The following PDE1C variants were observed in gnomAD, a reference collection of about 807,000 sequenced individuals.
PDE1C encodes dual specificity calcium/calmodulin-dependent 3',5'-cyclic nucleotide phosphodiesterase 1C.
Under a neutral mutation model 93.1 loss-of-function variants are expected in PDE1C, and 62 were observed. That is an observed-to-expected ratio of 0.67 (90% CI 0.54 to 0.82). PDE1C has a LOEUF of 0.82. PDE1C is among the 40% of genes least tolerant of loss of function. The pLI, the probability that PDE1C is intolerant of heterozygous loss-of-function variation, is 0.00. For missense variants in PDE1C, 742 were observed against 884.6 expected (o/e 0.84, Z 2.04); for synonymous variants, 325 against 310.1 (o/e 1.05, Z -0.50).
the PDE1C span, among the ~76,000 whole-genome samples, chr7:31,702,962 GA>G: frequency 6.6e-6 from 1 of 152,148 alleles, no homozygotes; most frequent in African/African-American, 2.4e-5. Flanking sequence ...ATACGAAATT[GA>G]ACATGGTCTT....
chr7:31,702,500 T>C, the PDE1C span, among the ~76,000 whole-genome samples: 1 of 152,178 alleles, frequency 6.6e-6, no homozygotes, highest in Admixed American at 6.5e-5. Flanking sequence ...TACCTTTCAG[T>C]AGTCAGCCAG....
chr7:31,699,189 G>A, the PDE1C span, among the ~76,000 whole-genome samples: 42 of 151,154 alleles, frequency 2.8e-4, no homozygotes, highest in African/African-American at 1.0e-3. Flanking sequence ...TCTGAGGACT[G>A]CCTTTATTAC....
the PDE1C span, among the ~76,000 whole-genome samples, chr7:31,678,922 A>G: frequency 6.6e-6 from 1 of 152,206 alleles, no homozygotes; most frequent in Non-Finnish European, 1.5e-5. Flanking sequence ...GATATGCAAA[A>G]TTGACCTCAA....
chr7:32,298,731 G>A, exon 1 of PDE1C: 1 of 1,592,892 alleles, frequency 6.3e-7, no homozygotes, highest in Non-Finnish European at 8.5e-7. Context: ...GCCGGCGTCC[G>A]TCATGGCTCG....
the PDE1C span, among the ~76,000 whole-genome samples, chr7:31,722,493 A>G: frequency 4.6e-5 from 7 of 152,232 alleles, no homozygotes; most frequent in African/African-American, 1.2e-4. Flanking sequence ...GCAGGAAAGC[A>G]TTCAATTATG....
chr7:32,268,000 A>T (rs1397386238), intron 1 of PDE1C, among the ~76,000 whole-genome samples: 1 of 152,204 alleles, frequency 6.6e-6, no homozygotes. Flanking sequence ...GTGAAGGAAA[A>T]GTCAGGCTGG....
intron 3 of PDE1C, among the ~76,000 whole-genome samples, chr7:32,132,216 C>G (rs960423472): frequency 6.6e-6 from 1 of 152,022 alleles, no homozygotes; most frequent in East Asian, 1.9e-4. Context: ...AGAGCTGGAG[C>G]CCAGTGAGCA....
chr7:31,778,640 T>C (rs1486993818), intron 16 of PDE1C, among the ~76,000 whole-genome samples: 1 of 152,198 alleles, frequency 6.6e-6, no homozygotes, highest in Non-Finnish European at 1.5e-5. Context: ...CTTCAAGTTT[T>C]TATTTAGAGA....
At chr7:31,617,674 CTTGTCATTTTCTGAT>C in the PDE1C span, among the ~76,000 whole-genome samples, 1 of 151,926 alleles carries the variant, frequency 6.6e-6, no homozygotes, top group Non-Finnish European at 1.5e-5. Flanking sequence ...CCACGATACT[CTTGTCATTTTCTGAT>C]TTATATTAGT....
Position 32,401,637 on chromosome 7 carries a change from G to A in PDE1C, c.310+26185C>T, listed in dbSNP as rs116005239. 4.8e-3 allele frequency among the ~76,000 whole-genome samples: 735 copies of A among 152,240 alleles called. 7 individuals carry two copies. The highest frequency in any genetic ancestry group is 0.015 in the African/African-American group (643 of 41,544). On this transcript the variant is annotated intron_variant, in intron 1 of 1. Transcript: ENST00000672256. ...CCTGATGCTTTTGTGTGGTCCCACC[G>A]CAGCTTGCCCTGGGCTTCCCTGATG...
the PDE1C span, among the ~76,000 whole-genome samples, chr7:31,684,167 G>A: frequency 1.3e-5 from 2 of 152,148 alleles, no homozygotes; most frequent in Admixed American, 6.5e-5. Flanking sequence ...GAGTATGTAC[G>A]AAGCCCTGGG....
rs141417367 is a variant in PDE1C, at chr7:31,805,798, G to A, written c.1891+3233C>T. On this transcript the variant is annotated intron_variant, in intron 16 of 17. Coordinates refer to ENST00000396191, the MANE Select transcript of PDE1C (RefSeq NM_001191057.4). The stretch of plus-strand genomic sequence containing the variant: ...TCTTAACTCAGAGAGTCACTGAGAC[G>A]TGCCTATGTCACTCCTCTCTATGCT... Among the ~76,000 whole-genome samples, 152 of 151,932 alleles carry A rather than the reference G, an allele frequency of 1.0e-3. 1 individual carries two copies. The highest frequency in any genetic ancestry group is 3.4e-3 in the Middle Eastern group (1 of 294).
chr7:32,124,605 G>T (rs532294495), intron 3 of PDE1C, among the ~76,000 whole-genome samples: 1 of 152,266 alleles, frequency 6.6e-6, no homozygotes, highest in South Asian at 2.1e-4. Context: ...AATGAGGAAA[G>T]GATCTCCTAT....
At chr7:31,868,445 G>C (rs1795550963) in intron 6 of PDE1C, among the ~76,000 whole-genome samples, 1 of 151,966 alleles carries the variant, frequency 6.6e-6, no homozygotes, top group Non-Finnish European at 1.5e-5. Flanking sequence ...ACTAGACCAA[G>C]CAAGAAGAAA....
chr7:31,838,019 A>G, intron 9 of PDE1C, 48 bp from the exon 10 acceptor site: 1 of 1,272,040 alleles, frequency 7.9e-7, no homozygotes, highest in South Asian at 1.2e-5. Flanking sequence ...CAAAAATGGA[A>G]AGTAAAAATC....
chr7:31,648,901 C>T, the PDE1C span, among the ~76,000 whole-genome samples: 1 of 152,168 alleles, frequency 6.6e-6, no homozygotes, highest in Non-Finnish European at 1.5e-5. Context: ...CATTTTTTGA[C>T]CACAGACAAG....
chr7:32,015,834 T>A (rs958551562), intron 2 of PDE1C, among the ~76,000 whole-genome samples: 1 of 152,162 alleles, frequency 6.6e-6, no homozygotes, highest in African/African-American at 2.4e-5. Flanking sequence ...AGAAAGATTA[T>A]AATAATCATT....
At chr7:32,176,923 C>T (rs975942155) in intron 2 of PDE1C, among the ~76,000 whole-genome samples, 1 of 152,156 alleles carries the variant, frequency 6.6e-6, no homozygotes, top group African/African-American at 2.4e-5. Flanking sequence ...TAGATTTGAA[C>T]TAGAACTATC....
intron 2 of PDE1C, among the ~76,000 whole-genome samples, chr7:32,023,211 A>T (rs1788928578): frequency 6.6e-6 from 1 of 152,146 alleles, no homozygotes; most frequent in African/African-American, 2.4e-5. Context: ...ATAGAACAAA[A>T]TCAGTATAAA....
Sources: allele counts gnomAD v4.1 joint callset (sites outside exome capture counted in the v4.1 genomes callset), GRCh38; gene constraint gnomAD v4.1.1; transcripts MANE v1.5; gene names NCBI Gene and HGNC (gene_info 2026-07-23, HGNC 2026-07-21).